The following ARHGAP44 variants were observed in gnomAD, a reference collection of about 807,000 sequenced individuals.
ARHGAP44 encodes the protein rho GTPase-activating protein 44.
A neutral mutation model predicts 106.8 loss-of-function variants in ARHGAP44; 43 were observed. That is an observed-to-expected ratio of 0.40 (90% CI 0.32 to 0.52). The LOEUF (loss-of-function observed/expected upper bound fraction) is 0.52, where lower values mean the gene tolerates loss of function less well. ARHGAP44 is among the 20% of genes least tolerant of loss of function. The probability of loss-of-function intolerance (pLI) is 0.48; values close to 1 mark genes in which losing one functional copy is unlikely to be tolerated. For missense variants in ARHGAP44, 866 were observed against 1,050.5 expected, an observed-to-expected ratio of 0.82 and a Z score of 2.43; for synonymous variants, 439 against 410.3, an observed-to-expected ratio of 1.07 and a Z score of -0.85.
intron 1 of ARHGAP44, among the ~76,000 whole-genome samples, chr17:12,820,726 A>G (rs542967664): frequency 6.6e-6 from 1 of 152,334 alleles, no homozygotes; most frequent in Admixed American, 6.5e-5. Flanking sequence ...ATGGCTACCA[A>G]ACAGGCAGAT....
At chr17:12,868,591 T>TTATATA (rs1209692482) in intron 1 of ARHGAP44, among the ~76,000 whole-genome samples, 2,683 of 45,610 alleles carry the variant, frequency 0.059, 44 homozygotes, top group Middle Eastern at 0.18. Context: ...TATATGCATT[T>TTATATA]TATATATATA....
At chr17:12,968,570 C>T (rs1298467876) in intron 16 of ARHGAP44, among the ~76,000 whole-genome samples, 1 of 152,036 alleles carries the variant, frequency 6.6e-6, no homozygotes. Flanking sequence ...TTTGTTTGTT[C>T]CTTAAGCTTG....
chr17:12,959,966 T>TTA (rs1268284823), intron 16 of ARHGAP44, among the ~76,000 whole-genome samples: 5 of 152,214 alleles, frequency 3.3e-5, no homozygotes, highest in African/African-American at 1.2e-4. Context: ...CCAAGAACTG[T>TTA]TAGAGGTGTG....
chr17:12,850,551 C>T (rs1433332603), intron 1 of ARHGAP44, among the ~76,000 whole-genome samples: 1 of 152,086 alleles, frequency 6.6e-6, no homozygotes, highest in Non-Finnish European at 1.5e-5. Context: ...TTCACCTCTC[C>T]ATTGGCCTCC....
At chr17:12,803,192 G>A (rs1452974763) in intron 1 of ARHGAP44, among the ~76,000 whole-genome samples, 6 of 150,924 alleles carry the variant, frequency 4.0e-5, no homozygotes, top group Non-Finnish European at 7.4e-5. Flanking sequence ...GGCTGGTCTC[G>A]AACTCCTGAC....
chr17:12,884,917 T>C (rs2036840201), intron 1 of ARHGAP44, among the ~76,000 whole-genome samples: 1 of 150,160 alleles, frequency 6.7e-6, no homozygotes, highest in Admixed American at 6.6e-5. Flanking sequence ...TTGTTTGTTT[T>C]TGAGATGGAG....
intron 16 of ARHGAP44, among the ~76,000 whole-genome samples, chr17:12,969,061 A>G (rs2039463396): frequency 6.6e-6 from 1 of 151,950 alleles, no homozygotes; most frequent in South Asian, 2.1e-4. Context: ...GAGCCACTGC[A>G]CCTGGCCTCC....
At chr17:12,792,087 A>G (rs1567615578) in intron 1 of ARHGAP44, among the ~76,000 whole-genome samples, 1 of 152,158 alleles carries the variant, frequency 6.6e-6, no homozygotes, top group Admixed American at 6.5e-5. Flanking sequence ...ATGGAGCTCT[A>G]GCCGTGTGGC....
chr17:12,876,909 CAAAAAA>C (rs59331390), intron 1 of ARHGAP44, among the ~76,000 whole-genome samples: 5 of 90,700 alleles, frequency 5.5e-5, no homozygotes, highest in Admixed American at 2.4e-4. Flanking sequence ...GACTCCGTCT[CAAAAAA>C]AAAAAAAAAA....
In ARHGAP44 at chr17:12,973,455, C is replaced by T. The variant is rs1353613025; in HGVS notation, c.1541+136C>T. The T allele has an allele frequency of 2.8e-5, 25 of 879,056 alleles. No homozygotes were observed. The East Asian group carries it at 6.4e-4, about 22-fold the overall frequency. The allele number at this position is 879,056 out of a possible 1,614,324, so 54.5% of individuals were successfully genotyped here. A position where few individuals can be genotyped will look rare whatever the true frequency, so the allele number is the denominator to read the frequency against. ...GCCGACTTATTTGAAGCTGTGTGCC[C>T]ATCATTAAAATAGAATCAGAGCCCA... On this transcript the variant is annotated intron_variant, in intron 17 of 20. Transcript: ENST00000379672.
chr17:12,888,309 A>T (rs1383296610), intron 1 of ARHGAP44, among the ~76,000 whole-genome samples: 5 of 151,996 alleles, frequency 3.3e-5, no homozygotes, highest in Non-Finnish European at 7.4e-5. Flanking sequence ...TTTTTATTTC[A>T]TTCAGTTTAA....
At chr17:12,842,126 C>T (rs568296998) in intron 1 of ARHGAP44, among the ~76,000 whole-genome samples, 2 of 149,646 alleles carry the variant, frequency 1.3e-5, no homozygotes, top group East Asian at 2.0e-4. Flanking sequence ...CATTGGTCTG[C>T]GACACACCTG....
At chr17:12,963,515 T>C (rs1411161936) in intron 16 of ARHGAP44, among the ~76,000 whole-genome samples, 1 of 151,912 alleles carries the variant, frequency 6.6e-6, no homozygotes, top group East Asian at 1.9e-4. Context: ...TCAACCCAAG[T>C]CAGACCACCT....
chr17:12,869,928 A>G (rs1355451768), intron 1 of ARHGAP44, among the ~76,000 whole-genome samples: 1 of 151,416 alleles, frequency 6.6e-6, no homozygotes, highest in Non-Finnish European at 1.5e-5. Context: ...CCCCCATTAT[A>G]TTTTTCCAGT....
intron 5 of ARHGAP44, among the ~76,000 whole-genome samples, chr17:12,919,470 T>C (rs3826377): frequency 0.77 from 116,019 of 150,160 alleles, 45,419 homozygotes; most frequent in East Asian, 0.98. Flanking sequence ...ACTGCAACCT[T>C]TGCCTCCTGG....
intron 3 of ARHGAP44, among the ~76,000 whole-genome samples, chr17:12,900,635 G>T (rs11655889): frequency 6.6e-5 from 10 of 152,206 alleles, no homozygotes; most frequent in Non-Finnish European, 1.5e-4. Context: ...ACGCAAGGCG[G>T]TGTGTATGCC....
intron 18 of ARHGAP44, among the ~76,000 whole-genome samples, chr17:12,979,697 A>C (rs1231979519): frequency 6.6e-6 from 1 of 152,226 alleles, no homozygotes; most frequent in Non-Finnish European, 1.5e-5. Context: ...TTGGTGTTCC[A>C]GTTTGAGAAT....
chr17:12,803,226 C>T (rs1167478112), intron 1 of ARHGAP44, among the ~76,000 whole-genome samples: 2 of 151,728 alleles, frequency 1.3e-5, no homozygotes, highest in Admixed American at 1.3e-4. Context: ...CCCGCCTCGG[C>T]CTCCCAAAGT....
chr17:12,878,063 G>T (rs1394631131), intron 1 of ARHGAP44, among the ~76,000 whole-genome samples: 1 of 152,180 alleles, frequency 6.6e-6, no homozygotes, highest in Non-Finnish European at 1.5e-5. Flanking sequence ...GCCGTTACAT[G>T]AAATATGTTT....
Sources: allele counts gnomAD v4.1 joint callset (sites outside exome capture counted in the v4.1 genomes callset), GRCh38; gene constraint gnomAD v4.1.1; transcripts MANE v1.5; gene names NCBI Gene and HGNC (gene_info 2026-07-23, HGNC 2026-07-21).